Variants in BET1 observed in about 807,000 individuals in gnomAD.
The protein encoded by BET1 is Bet1 golgi vesicular membrane trafficking protein, also known as BET1 homolog.
Under a neutral mutation model 13.9 loss-of-function variants are expected in BET1, and 9 were observed. The observed-to-expected ratio is 0.65, with a 90% CI of 0.39 to 1.13. BET1 has a LOEUF of 1.13. BET1 is among the 50% of genes most tolerant of loss of function. The pLI is 0.01. For missense variants in BET1, 127 were observed against 133.6 expected, an observed-to-expected ratio of 0.95 and a Z score of 0.24; for synonymous variants, 39 against 47.3, an observed-to-expected ratio of 0.82 and a Z score of 0.72.
intron 2 of BET1, among the ~76,000 whole-genome samples, chr7:93,996,967 CTTAGT>C (rs548127643): frequency 0.016 from 2,387 of 151,692 alleles, 32 homozygotes; most frequent in Non-Finnish European, 0.025. Context: ...CTGATTTTTC[CTTAGT>C]TTAAAGGTTT....
At chr7:93,981,426 A>T (rs1730912309) in intron 4 of BET1, among the ~76,000 whole-genome samples, 1 of 152,300 alleles carries the variant, frequency 6.6e-6, no homozygotes, top group Non-Finnish European at 1.5e-5. Context: ...ATGTTCTCCC[A>T]AGTAAAATCT....
downstream of BET1, chr7:93,991,695 T>A: frequency 1.4e-6 from 1 of 705,556 alleles, no homozygotes; most frequent in Non-Finnish European, 1.7e-6. Context: ...AAAGTCATAG[T>A]GTGAATGGTG....
chr7:93,991,701 T>G (rs866642449), downstream of BET1: 125 of 758,446 alleles, frequency 1.6e-4, no homozygotes, highest in African/African-American at 2.2e-3. Flanking sequence ...ATAGTGTGAA[T>G]GGTGGAGCCA....
intron 4 of BET1, among the ~76,000 whole-genome samples, chr7:93,980,080 T>G (rs989564091): frequency 6.6e-6 from 1 of 152,126 alleles, no homozygotes; most frequent in African/African-American, 2.4e-5. Context: ...TACTGAATCA[T>G]GAAGAAATGG....
At chr7:93,976,344 TTGTG>T (rs57913446) in intron 4 of BET1, among the ~76,000 whole-genome samples, 30 of 149,118 alleles carry the variant, frequency 2.0e-4, no homozygotes, top group African/African-American at 5.4e-4. Context: ...TATCTACTTA[TTGTG>T]TGTGTGTGTG....
chr7:93,976,344 TTGTGTG>T (rs57913446), intron 4 of BET1, among the ~76,000 whole-genome samples: 5 of 149,014 alleles, frequency 3.4e-5, no homozygotes, highest in East Asian at 2.0e-4. Context: ...TATCTACTTA[TTGTGTG>T]TGTGTGTGTG....
chr7:93,966,285 T>C (rs952954517), intron 6 of BET1, among the ~76,000 whole-genome samples: 1 of 152,032 alleles, frequency 6.6e-6, no homozygotes, highest in Non-Finnish European at 1.5e-5. Flanking sequence ...TTTGAGTTTT[T>C]ATTTATATTT....
chr7:93,973,612 GT>G (rs1228246119), intron 5 of BET1, among the ~76,000 whole-genome samples: 3 of 151,916 alleles, frequency 2.0e-5, no homozygotes, highest in African/African-American at 7.2e-5. Flanking sequence ...TAAAAACCTA[GT>G]GACTACTGAT....
chr7:93,966,280 G>A (rs1795171075), intron 6 of BET1, among the ~76,000 whole-genome samples: 1 of 151,856 alleles, frequency 6.6e-6, no homozygotes, highest in African/African-American at 2.4e-5. Flanking sequence ...CTTGCTTTGA[G>A]TTTTTATTTA....
At chr7:93,970,975 A>G in intron 6 of BET1, among the ~76,000 whole-genome samples, 1 of 151,786 alleles carries the variant, frequency 6.6e-6, no homozygotes, top group Admixed American at 6.6e-5. Context: ...ATAGGGGGAC[A>G]TGCTATTATC....
chr7:93,966,200 A>G (rs1191870460), intron 6 of BET1, among the ~76,000 whole-genome samples: 1 of 152,010 alleles, frequency 6.6e-6, no homozygotes, highest in Non-Finnish European at 1.5e-5. Flanking sequence ...ATTGGTCCCA[A>G]GTAAAAGAAG....
intron 2 of BET1, among the ~76,000 whole-genome samples, chr7:93,998,292 T>C (rs569297272): frequency 9.2e-5 from 14 of 152,246 alleles, no homozygotes; most frequent in African/African-American, 3.1e-4. Flanking sequence ...AGGATGCAAG[T>C]TTTAAAATAT....
chr7:93,994,346 T>C lies in BET1; in HGVS notation c.241A>G (p.Thr81Ala). Residue 81 changes from threonine (T) to alanine (A), a missense_variant, in exon 4 of 4, where the codon ACT becomes GCT. Physicochemically the swap from Thr to Ala is moderately conservative, Grantham distance 58 (BLOSUM62 0). Transcript: ENST00000222547. Reference sequence around the variant, plus strand: ...GATAAAATCTTCAGTTTGCCCATAGTTTTACCTAGAAATCCAGTTGTGGAA... The same window carrying C: ...GATAAAATCTTCAGTTTGCCCATAGCTTTACCTAGAAATCCAGTTGTGGAA... The part of the protein sequence containing the change: ...FDSTTGFLGK[T>A]MGKLKILSRG... 6.2e-7 allele frequency: 1 copy of C among 1,613,652 alleles called. No individual in the cohort carries two copies. The highest frequency in any genetic ancestry group is 8.5e-7 in the Non-Finnish European group (1 of 1,179,730).
rs900706591 is a variant in BET1, at chr7:93,994,107, A to G, written c.*123T>C. 1 of 1,448,266 alleles carries G rather than the reference A, an allele frequency of 6.9e-7. No individual in the cohort carries two copies. The highest frequency in any genetic ancestry group is 9.0e-7 in the Non-Finnish European group (1 of 1,106,580). The allele number at this position is 1,448,266 out of a possible 1,614,324, so 89.7% of individuals were successfully genotyped here. A position where few individuals can be genotyped will look rare whatever the true frequency, so the allele number is the denominator to read the frequency against. ...GTGATTTATAAAATAAGCAAAATTC[A>G]GCAATTTTCAATGGAAAATGCCACA... is the stretch of plus-strand genomic sequence containing the variant. On this transcript the variant is annotated 3_prime_UTR_variant, in exon 4 of 4. Transcript: ENST00000222547.
At chr7:93,986,960 C>T (rs984898775) in intron 4 of BET1, among the ~76,000 whole-genome samples, 2 of 152,090 alleles carry the variant, frequency 1.3e-5, no homozygotes, top group African/African-American at 4.8e-5. Flanking sequence ...ATGGGGTACA[C>T]CTCATAGCCT....
At chr7:93,991,892 T>C (rs180672382), downstream of BET1, 3 of 975,870 alleles carry the variant, frequency 3.1e-6, no homozygotes, top group Admixed American at 1.2e-4. Context: ...CTCAAAGAAG[T>C]AAATTCAATA....
chr7:94,002,988 T>C (rs1795943855), intron 1 of BET1, among the ~76,000 whole-genome samples: 1 of 152,200 alleles, frequency 6.6e-6, no homozygotes, highest in African/African-American at 2.4e-5. Flanking sequence ...CGACACTTTG[T>C]ACTACAATTT....
intron 5 of BET1, among the ~76,000 whole-genome samples, chr7:93,973,826 C>A (rs1328539586): frequency 3.3e-5 from 5 of 151,988 alleles, no homozygotes. Context: ...AACTAGAATA[C>A]AAACTGTAGC....
chr7:93,964,756 AACCACAATGAGAT>A (rs1349839841), exon 7 of BET1: 1 of 152,132 alleles, frequency 6.6e-6, no homozygotes, highest in Non-Finnish European at 1.5e-5. Context: ...TGCAAAGCAA[AACCACAATGAGAT>A]ACCACGAGAT....
Sources: gnomAD v4.1 joint callset for allele counts (sites outside exome capture counted in the v4.1 genomes callset) on GRCh38, gnomAD v4.1.1 for gene constraint, MANE v1.5 for transcripts, NCBI Gene and HGNC (gene_info 2026-07-23, HGNC 2026-07-21) for gene names.